The following KSR2 variants were observed in gnomAD, a reference collection of about 807,000 sequenced individuals.
KSR2 encodes the protein kinase suppressor of ras 2.
KSR2 carries 25 observed loss-of-function variants against 107.8 expected under a neutral mutation model. That is an observed-to-expected ratio of 0.23 (90% CI 0.17 to 0.32). KSR2 has a LOEUF of 0.32. Among genes scored for constraint, KSR2 ranks in the 10% least tolerant of loss-of-function variants. KSR2 has a pLI of 1.00. For synonymous variants in KSR2, 480 were observed against 507.0 expected (o/e 0.95, Z 0.71); for missense variants, 887 against 1,268.9 (o/e 0.70, Z 4.57).
chr12:117,898,583 G>A (rs554053713), intron 1 of KSR2, among the ~76,000 whole-genome samples: 384 of 152,174 alleles, frequency 2.5e-3, no homozygotes, highest in African/African-American at 8.9e-3. Context: ...GCCTCCCAAC[G>A]TGCTGGGATT....
chr12:117,625,126 T>C (rs963027479), intron 5 of KSR2, among the ~76,000 whole-genome samples: 4 of 152,166 alleles, frequency 2.6e-5, no homozygotes, highest in Admixed American at 1.3e-4. Flanking sequence ...GGTTTTCTAA[T>C]ATACAATCAT....
At chr12:117,881,289 GTGTT>G (rs1171784364) in intron 1 of KSR2, among the ~76,000 whole-genome samples, 1 of 152,184 alleles carries the variant, frequency 6.6e-6, no homozygotes, top group Non-Finnish European at 1.5e-5. Context: ...CTTTTTGTTA[GTGTT>G]TGTTTTGGTT....
intron 1 of KSR2, among the ~76,000 whole-genome samples, chr12:117,955,539 C>T (rs1476581598): frequency 1.3e-5 from 2 of 152,140 alleles, no homozygotes; most frequent in African/African-American, 4.8e-5. Context: ...AGAGCTCAAG[C>T]CCTCCTAACT....
chr12:117,554,828 T>C (rs1003859885), intron 9 of KSR2, among the ~76,000 whole-genome samples: 20 of 152,144 alleles, frequency 1.3e-4, no homozygotes, highest in African/African-American at 4.8e-4. Flanking sequence ...AACAGACTAA[T>C]ACAGATGGCA....
intron 5 of KSR2, among the ~76,000 whole-genome samples, chr12:117,652,943 A>G (rs1241625155): frequency 6.6e-6 from 1 of 152,220 alleles, no homozygotes; most frequent in East Asian, 1.9e-4. Context: ...GAACCCCCAC[A>G]TTGGCTCCCT....
intron 1 of KSR2, among the ~76,000 whole-genome samples, chr12:117,861,066 A>G (rs1318832564): frequency 1.3e-5 from 2 of 152,086 alleles, no homozygotes; most frequent in African/African-American, 4.8e-5. Flanking sequence ...AACTCCTCCA[A>G]CAGACACCCA....
At chr12:117,488,370 C>A (rs1872582004) in intron 14 of KSR2, among the ~76,000 whole-genome samples, 1 of 152,176 alleles carries the variant, frequency 6.6e-6, no homozygotes, top group Non-Finnish European at 1.5e-5. Context: ...TTAAAGCAAC[C>A]TATCTGTTGA....
At chr12:117,547,984 CTA>C (rs1876999870) in intron 9 of KSR2, among the ~76,000 whole-genome samples, 1 of 152,020 alleles carries the variant, frequency 6.6e-6, no homozygotes, top group South Asian at 2.1e-4. Context: ...GTAGTCCCAG[CTA>C]TCTGGGAGAC....
chr12:117,860,522 A>C, intron 1 of KSR2, 91 bp from the exon 2 acceptor site: 1 of 1,216,262 alleles, frequency 8.2e-7, no homozygotes, highest in African/African-American at 1.5e-5. Context: ...CCCCACCCTA[A>C]ACCCAGCCAA....
At chr12:117,776,642 C>T (rs1478396297) in intron 3 of KSR2, among the ~76,000 whole-genome samples, 2 of 152,140 alleles carry the variant, frequency 1.3e-5, no homozygotes, top group Non-Finnish European at 2.9e-5. Context: ...GCTGTCATCT[C>T]ACTACAGCCC....
Position 117,524,990 on chromosome 12 carries a change from A to G in KSR2, c.2081T>C (p.Ile694Thr), listed in dbSNP as rs749099594. ...GTCCTCGTTGTCCCTCTCAATGTCAATCAGCCGGATGGCCACCTCGCCATG... is the reference window on the plus strand; with the variant it reads ...GTCCTCGTTGTCCCTCTCAATGTCAGTCAGCCGGATGGCCACCTCGCCATG... ...RWHGEVAIRLIDIERDNEDQL... is the reference protein window; with the variant it reads ...RWHGEVAIRLTDIERDNEDQL... The change falls in exon 14 of 20, where the codon ATT (isoleucine) becomes ACT (threonine). Residue 694 changes from isoleucine (I) to threonine (T), a missense_variant. Around this residue, in one of 8 missense-constraint regions of KSR2, gnomAD observed 308 missense variants for 506.2 expected, o/e 0.61. Coordinates refer to ENST00000339824, the MANE Select transcript of KSR2 (RefSeq NM_173598.6). 6.2e-7 allele frequency: 1 copy of G among 1,613,858 alleles called. No homozygotes were observed. The highest frequency in any genetic ancestry group is 1.7e-5 in the Admixed American group (1 of 60,002).
chr12:117,655,893 G>A (rs1884131924), intron 5 of KSR2, among the ~76,000 whole-genome samples: 1 of 152,174 alleles, frequency 6.6e-6, no homozygotes, highest in Admixed American at 6.5e-5. Flanking sequence ...GTATTACCAT[G>A]CACTGTGATT....
chr12:117,586,268 G>A (rs1879982438), intron 5 of KSR2, among the ~76,000 whole-genome samples: 1 of 144,760 alleles, frequency 6.9e-6, no homozygotes, highest in Non-Finnish European at 1.5e-5. Flanking sequence ...AGGAAGAGGA[G>A]GAGAAGAAAG....
chr12:117,582,307 G>A lies in KSR2; in HGVS notation c.1224C>T (p.Gly408=), dbSNP rs1253514674. 3.7e-6 allele frequency: 6 copies of A among 1,613,790 alleles called. No individual in the cohort carries two copies. The highest frequency in any genetic ancestry group is 8.5e-7 in the Non-Finnish European group (1 of 1,179,778). The change falls in exon 6 of 20, where the codon GGC becomes GGT. Residue 408 remains glycine (G), a synonymous_variant. Transcript: ENST00000339824. ...WSPQIPRRDL[G]NSIKHRFSTK... is the part of the protein sequence containing the mutation. ...CAGCCTACCTGTGCTTGATGGAGTT[G>A]CCGAGATCTCTGCGAGGGATCTGCG...
chr12:117,530,750 TCTGAG>T (rs751518261), intron 12 of KSR2, among the ~76,000 whole-genome samples, 186 bp downstream of exon 12: 34 of 152,140 alleles, frequency 2.2e-4, no homozygotes, highest in Non-Finnish European at 2.8e-4. Flanking sequence ...CATCTCTCTG[TCTGAG>T]CTGTCACGCC....
chr12:117,751,918 T>C (rs1301890124), intron 4 of KSR2, among the ~76,000 whole-genome samples: 1 of 152,192 alleles, frequency 6.6e-6, no homozygotes, highest in Non-Finnish European at 1.5e-5. Flanking sequence ...AATATACTAT[T>C]ACCCACAGAC....
At chr12:117,591,620 G>C (rs1880323035) in intron 5 of KSR2, among the ~76,000 whole-genome samples, 2 of 151,860 alleles carry the variant, frequency 1.3e-5, no homozygotes, top group Admixed American at 1.3e-4. Context: ...CTAGAGGTAG[G>C]ACATTGGAGA....
chr12:117,462,710 G>A lies in KSR2; in HGVS notation c.*4489C>T, dbSNP rs1167235818. On this transcript the variant is annotated 3_prime_UTR_variant, in exon 20 of 20. Coordinates refer to ENST00000339824, the MANE Select transcript of KSR2 (RefSeq NM_173598.6). The stretch of plus-strand genomic sequence containing the variant: ...GGGGGCTTGGGGATATGGTGGCACA[G>A]TGGAACAAGACCAGCCTGCAGGGGA... The A allele has an allele frequency of 6.6e-6, 1 of 152,288 alleles. No homozygotes were observed. The highest frequency in any genetic ancestry group is 1.9e-4 in the East Asian group (1 of 5,182). The allele number at this position is 152,288 out of a possible 1,614,324, so 9.4% of individuals were successfully genotyped here. A position where few individuals can be genotyped will look rare whatever the true frequency, so the allele number is the denominator to read the frequency against.
At position 117,674,320 on chromosome 12, in the gene KSR2, C is replaced by G. The variant is rs568239026; in HGVS notation, c.987-6662G>C. Reference sequence around the variant, plus strand: ...TGCCTCCTCGCTGGAATCGCAGACTCACTTGCATTTGGTTCCATTTTTGCT... The same window carrying G: ...TGCCTCCTCGCTGGAATCGCAGACTGACTTGCATTTGGTTCCATTTTTGCT... On this transcript the variant is annotated intron_variant, in intron 4 of 19. Transcript: ENST00000339824. 2.9e-4 allele frequency: 145 copies of G among 505,720 alleles called. 5 individuals are homozygous for G. Among genetic ancestry groups the G allele is most frequent in the South Asian group, 2.0e-3 (139 of 68,262 alleles). 31.3% of individuals were successfully genotyped at this position (505,720 alleles called of 1,614,324 possible). A position where few individuals can be genotyped will look rare whatever the true frequency, so the allele number is the denominator to read the frequency against.
Sources: gnomAD v4.1 joint callset for allele counts (sites outside exome capture counted in the v4.1 genomes callset) on GRCh38, gnomAD v4.1.1 for gene constraint, gnomAD v4.1.1 regional missense constraint, MANE v1.5 for transcripts, NCBI Gene and HGNC (gene_info 2026-07-23, HGNC 2026-07-21) for gene names.